AGBL4: variants seen among roughly 807,000 people sequenced by gnomAD.
AGBL4 encodes cytosolic carboxypeptidase 6.
In AGBL4, 58 loss-of-function variants were observed where a neutral mutation model predicts 66.4. The observed-to-expected ratio is 0.87, with a 90% CI of 0.71 to 1.09. The LOEUF (loss-of-function observed/expected upper bound fraction) is 1.09, where lower values mean the gene tolerates loss of function less well. Among genes scored for constraint, AGBL4 ranks in the 50% least tolerant of loss-of-function variants. The pLI is 0.00. For synonymous variants in AGBL4, 234 were observed against 222.9 expected (o/e 1.05, Z -0.44); for missense variants, 579 against 631.0 (o/e 0.92, Z 0.88).
chr1:49,245,895 T>C, intron 3 of AGBL4, 31 bp from the exon 4 acceptor site: 1 of 1,466,848 alleles, frequency 6.8e-7, no homozygotes, highest in Non-Finnish European at 9.3e-7. Flanking sequence ...AGTTCATCTT[T>C]ATGCTATGCA....
intron 3 of AGBL4, among the ~76,000 whole-genome samples, chr1:49,401,223 C>T (rs944698758): frequency 3.3e-5 from 5 of 152,086 alleles, no homozygotes; most frequent in African/African-American, 1.2e-4. Context: ...AGAATGAGTG[C>T]CATGCGAAGG....
chr1:49,751,126 C>T (rs1274916159), intron 2 of AGBL4, among the ~76,000 whole-genome samples: 5 of 152,002 alleles, frequency 3.3e-5, no homozygotes, highest in South Asian at 2.1e-4. Flanking sequence ...AATACTATGT[C>T]GAATAGGAAT....
intron 3 of AGBL4, among the ~76,000 whole-genome samples, chr1:49,532,295 C>G (rs1289008316): frequency 1.3e-5 from 2 of 152,088 alleles, no homozygotes; most frequent in Non-Finnish European, 2.9e-5. Context: ...TTATATTATG[C>G]TGCAGTATAG....
At chr1:49,546,758 G>C (rs1046938467) in intron 3 of AGBL4, among the ~76,000 whole-genome samples, 26 of 152,258 alleles carry the variant, frequency 1.7e-4, no homozygotes, top group African/African-American at 6.3e-4. Flanking sequence ...CTGATCATTA[G>C]TCATATTGTG....
At chr1:49,833,387 G>A (rs1247849829) in intron 2 of AGBL4, among the ~76,000 whole-genome samples, 1 of 152,034 alleles carries the variant, frequency 6.6e-6, no homozygotes, top group Non-Finnish European at 1.5e-5. Flanking sequence ...TGCTGTTTTG[G>A]TTACTGTAGC....
Position 48,784,418 on chromosome 1 carries a change from T to TG in AGBL4, c.634+82772_634+82773insC, listed in dbSNP as rs1484352773. Among the ~76,000 whole-genome samples, 17 of 152,292 alleles carry TG rather than the reference T, an allele frequency of 1.1e-4. No homozygotes were observed. The East Asian group carries it at 3.1e-3, about 28-fold the overall frequency. On this transcript the variant is annotated intron_variant, in intron 6 of 13. Coordinates refer to ENST00000371839, the MANE Select transcript of AGBL4 (RefSeq NM_032785.4). The stretch of plus-strand genomic sequence containing the variant: ...ATGATTCCCGCCAAATGCTGTCCCC[T>TG]TCAATAAAACTCTGTGGTCATGGGT...
chr1:49,937,597 A>C (rs1021236581), intron 1 of AGBL4, among the ~76,000 whole-genome samples: 2 of 152,070 alleles, frequency 1.3e-5, no homozygotes, highest in Admixed American at 6.6e-5. Flanking sequence ...GAAGTAAAGC[A>C]CTCCTCAGCA....
At chr1:49,754,086 T>C (rs1651689659) in intron 2 of AGBL4, among the ~76,000 whole-genome samples, 1 of 152,096 alleles carries the variant, frequency 6.6e-6, no homozygotes, top group African/African-American at 2.4e-5. Context: ...TCATCAAACT[T>C]ACCCTCTGTA....
intron 6 of AGBL4, among the ~76,000 whole-genome samples, chr1:48,709,030 C>T (rs547424601): frequency 2.8e-4 from 42 of 152,290 alleles, no homozygotes; most frequent in Admixed American, 2.7e-3. Context: ...ACTGACTGGC[C>T]GAGTGGCCTC....
Position 48,661,572 on chromosome 1 carries a change from C to T in AGBL4, c.724+1580G>A, listed in dbSNP as rs975603011. On this transcript the variant is annotated intron_variant, in intron 7 of 13. Coordinates refer to ENST00000371839, the MANE Select transcript of AGBL4 (RefSeq NM_032785.4). ...ACATTTATTGAAAACCTACAGAACG[C>T]CATTGAGTGTATGAACTCAGCACCA... 5.9e-5 allele frequency among the ~76,000 whole-genome samples: 9 copies of T among 152,310 alleles called. 1 individual carries two copies. Among genetic ancestry groups the T allele is most frequent in the Middle Eastern group, 6.8e-3 (2 of 294 alleles).
At chr1:48,832,623 T>G (rs1482420424) in intron 6 of AGBL4, among the ~76,000 whole-genome samples, 3 of 152,162 alleles carry the variant, frequency 2.0e-5, no homozygotes, top group Admixed American at 6.5e-5. Context: ...TCAACTTGAC[T>G]GGATCACGGA....
intron 3 of AGBL4, among the ~76,000 whole-genome samples, chr1:49,467,672 C>T (rs1178576303): frequency 6.6e-6 from 1 of 151,890 alleles, no homozygotes; most frequent in Non-Finnish European, 1.5e-5. Context: ...AAGCCATATA[C>T]TGTCATTTGT....
intron 3 of AGBL4, among the ~76,000 whole-genome samples, chr1:49,401,930 ATTCAT>A (rs1645094738): frequency 1.3e-5 from 2 of 152,136 alleles, no homozygotes; most frequent in African/African-American, 4.8e-5. Flanking sequence ...CTAGGAATTT[ATTCAT>A]TTCTTCTACA....
At chr1:49,064,445 T>C (rs1644457170) in intron 4 of AGBL4, among the ~76,000 whole-genome samples, 1 of 152,216 alleles carries the variant, frequency 6.6e-6, no homozygotes, top group Non-Finnish European at 1.5e-5. Flanking sequence ...TTCCTTTATA[T>C]TTTGACCAGA....
intron 5 of AGBL4, among the ~76,000 whole-genome samples, chr1:49,005,853 T>C (rs1661747158): frequency 6.6e-6 from 1 of 151,926 alleles, no homozygotes; most frequent in African/African-American, 2.4e-5. Flanking sequence ...ATACAAAAAT[T>C]AGCTGGACAT....
chr1:49,726,648 G>A (rs1250943670), intron 2 of AGBL4, among the ~76,000 whole-genome samples: 2 of 151,996 alleles, frequency 1.3e-5, no homozygotes, highest in Non-Finnish European at 1.5e-5. Context: ...ATAAGCTTAA[G>A]CAAAAACTGG....
chr1:49,503,636 C>A (rs768069269), intron 3 of AGBL4, among the ~76,000 whole-genome samples: 1 of 152,132 alleles, frequency 6.6e-6, no homozygotes, highest in African/African-American at 2.4e-5. Context: ...AATCAGGTGA[C>A]CTGGATGTGA....
At chr1:49,669,867 T>A (rs1036932270) in intron 3 of AGBL4, among the ~76,000 whole-genome samples, 1 of 152,058 alleles carries the variant, frequency 6.6e-6, no homozygotes. Flanking sequence ...AAGTGTTTAA[T>A]CTTTTCACTA....
intron 6 of AGBL4, among the ~76,000 whole-genome samples, chr1:48,750,234 TG>T (rs751202973): frequency 2.0e-5 from 3 of 152,148 alleles, no homozygotes; most frequent in Admixed American, 6.5e-5. Context: ...CCCACTCCAA[TG>T]GGGAAGTGCC....
Sources: allele counts gnomAD v4.1 joint callset (sites outside exome capture counted in the v4.1 genomes callset), GRCh38; gene constraint gnomAD v4.1.1; transcripts MANE v1.5; gene names NCBI Gene and HGNC (gene_info 2026-07-23, HGNC 2026-07-21).